Variants in SLC24A2 observed in about 807,000 individuals in gnomAD.
The protein encoded by SLC24A2 is solute carrier family 24 member 2, also known as sodium/potassium/calcium exchanger 2.
In SLC24A2, 36 loss-of-function variants were observed where a neutral mutation model predicts 62.0. The observed-to-expected ratio is 0.58, with a 90% CI of 0.44 to 0.77. The LOEUF is 0.77. SLC24A2 is among the 30% of genes least tolerant of loss of function. SLC24A2 has a pLI of 0.00. For synonymous variants in SLC24A2, 358 were observed against 294.0 expected, an observed-to-expected ratio of 1.22 and a Z score of -2.23; for missense variants, 846 against 817.9, an observed-to-expected ratio of 1.03 and a Z score of -0.42.
At chr9:19,929,094 T>A in the SLC24A2 span, 1 of 152,228 alleles carries the variant, frequency 6.6e-6, no homozygotes, top group African/African-American at 2.4e-5. Flanking sequence ...TGGTTGGGTA[T>A]CGCTTTGTCT....
At chr9:19,930,795 A>T in the SLC24A2 span, among the ~76,000 whole-genome samples, 1 of 152,232 alleles carries the variant, frequency 6.6e-6, no homozygotes, top group Admixed American at 6.5e-5. Flanking sequence ...GGTGCCAGAG[A>T]CTTGCTGTAA....
chr9:20,174,735 C>T, the SLC24A2 span, among the ~76,000 whole-genome samples: 7 of 151,936 alleles, frequency 4.6e-5, no homozygotes, highest in Admixed American at 2.0e-4. Context: ...ACAGGGAACA[C>T]GTCTACATTG....
chr9:19,950,821 A>G, the SLC24A2 span, among the ~76,000 whole-genome samples: 1 of 152,168 alleles, frequency 6.6e-6, no homozygotes, highest in Non-Finnish European at 1.5e-5. Context: ...AAATGTAAAC[A>G]TCATAACAAA....
the SLC24A2 span, among the ~76,000 whole-genome samples, chr9:19,938,028 A>G: frequency 6.6e-6 from 1 of 152,350 alleles, no homozygotes; most frequent in Admixed American, 6.5e-5. Flanking sequence ...ACAATATTGC[A>G]TTTATTAATA....
chr9:19,982,823 A>G, the SLC24A2 span, among the ~76,000 whole-genome samples: 1 of 152,244 alleles, frequency 6.6e-6, no homozygotes, highest in African/African-American at 2.4e-5. Flanking sequence ...AGGCTTATAT[A>G]CTATGACAAA....
chr9:20,153,082 C>A, the SLC24A2 span, among the ~76,000 whole-genome samples: 1 of 151,688 alleles, frequency 6.6e-6, no homozygotes, highest in Non-Finnish European at 1.5e-5. Context: ...ATTTAGAAAC[C>A]TCAGACAAAA....
At chr9:19,543,648 T>G (rs1169450072) in intron 8 of SLC24A2, among the ~76,000 whole-genome samples, 1 of 152,206 alleles carries the variant, frequency 6.6e-6, no homozygotes, top group Non-Finnish European at 1.5e-5. Flanking sequence ...CTCATTGGTT[T>G]CAAAGAACAT....
At chr9:20,177,798 T>C in the SLC24A2 span, among the ~76,000 whole-genome samples, 2 of 152,138 alleles carry the variant, frequency 1.3e-5, no homozygotes, top group African/African-American at 4.8e-5. Flanking sequence ...TATTATACTA[T>C]TTACACTATT....
the SLC24A2 span, among the ~76,000 whole-genome samples, chr9:20,286,109 T>C: frequency 6.6e-6 from 1 of 152,344 alleles, no homozygotes; most frequent in East Asian, 1.9e-4. Flanking sequence ...AACTTATGCC[T>C]GCACTGAGCT....
chr9:19,762,226 A>T (rs1312857455), intron 2 of SLC24A2, among the ~76,000 whole-genome samples: 1 of 152,230 alleles, frequency 6.6e-6, no homozygotes, highest in East Asian at 1.9e-4. Flanking sequence ...TCAGATTAAT[A>T]GATGGCAAAC....
At chr9:20,222,795 G>A in the SLC24A2 span, among the ~76,000 whole-genome samples, 1 of 152,048 alleles carries the variant, frequency 6.6e-6, no homozygotes, top group Non-Finnish European at 1.5e-5. Context: ...AAAAATCGCT[G>A]CCAACTAGAA....
At chr9:19,795,212 C>T in the SLC24A2 span, among the ~76,000 whole-genome samples, 1 of 152,142 alleles carries the variant, frequency 6.6e-6, no homozygotes, top group East Asian at 1.9e-4. Flanking sequence ...ATGTGGTGGG[C>T]GTAGTGGGCT....
chr9:20,221,454 C>T, the SLC24A2 span, among the ~76,000 whole-genome samples: 1 of 151,904 alleles, frequency 6.6e-6, no homozygotes, highest in Admixed American at 6.6e-5. Flanking sequence ...ACAAACAAGA[C>T]TTGTTTTGAA....
chr9:19,595,929 A>G (rs780904076), intron 5 of SLC24A2, among the ~76,000 whole-genome samples: 1 of 152,200 alleles, frequency 6.6e-6, no homozygotes, highest in African/African-American at 2.4e-5. Flanking sequence ...CCTTGGTAGC[A>G]GGTACTTATT....
At position 19,535,743 on chromosome 9, in the gene SLC24A2, T is replaced by C. The variant is rs182266323; in HGVS notation, c.1480-7605A>G. On this transcript the variant is annotated intron_variant, in intron 8 of 10. Coordinates refer to ENST00000341998, the MANE Select transcript of SLC24A2 (RefSeq NM_020344.4). ...GTTGTGGTACCAGTACCATGCTGTT[T>C]TGGTTACGGTAGCCTAGTTTGGAGT... Among the ~76,000 whole-genome samples the C allele has an allele frequency of 1.5e-3, 227 of 152,270 alleles. 2 individuals carry two copies. The highest frequency in any genetic ancestry group is 4.0e-4 in the Non-Finnish European group (27 of 68,022).
chr9:19,598,212 G>A (rs189085579), intron 4 of SLC24A2, among the ~76,000 whole-genome samples: 4 of 152,130 alleles, frequency 2.6e-5, no homozygotes. Context: ...TATATTTTCT[G>A]GTCATAACAC....
At chr9:19,874,377 T>C in the SLC24A2 span, among the ~76,000 whole-genome samples, 1 of 152,210 alleles carries the variant, frequency 6.6e-6, no homozygotes, top group Non-Finnish European at 1.5e-5. Flanking sequence ...CCAGAAAAGA[T>C]AATATCTCCC....
At chr9:19,563,503 ACAT>A (rs1438509738) in intron 7 of SLC24A2, among the ~76,000 whole-genome samples, 7 of 152,324 alleles carry the variant, frequency 4.6e-5, no homozygotes, top group African/African-American at 1.4e-4. Context: ...AGGAAGAAAG[ACAT>A]CATATGAATT....
the SLC24A2 span, among the ~76,000 whole-genome samples, chr9:19,908,911 G>A: frequency 6.6e-6 from 1 of 151,782 alleles, no homozygotes; most frequent in African/African-American, 2.4e-5. Flanking sequence ...AACTATTGTG[G>A]AAGTCAGTGT....
Sources: gnomAD v4.1 joint callset for allele counts (sites outside exome capture counted in the v4.1 genomes callset) on GRCh38, gnomAD v4.1.1 for gene constraint, MANE v1.5 for transcripts, NCBI Gene and HGNC (gene_info 2026-07-23, HGNC 2026-07-21) for gene names.